FRK: variants seen among roughly 807,000 people sequenced by gnomAD.
FRK encodes the protein tyrosine-protein kinase FRK.
A neutral mutation model predicts 56.4 loss-of-function variants in FRK; 51 were observed. The observed-to-expected ratio is 0.90, with a 90% CI of 0.72 to 1.14. The LOEUF is 1.14. FRK is among the 50% of genes most tolerant of loss of function. FRK has a pLI of 0.00. For missense variants in FRK, 570 were observed against 601.4 expected (o/e 0.95, Z 0.55); for synonymous variants, 245 against 217.9 (o/e 1.12, Z -1.10).
At chr6:116,082,398 G>A in the FRK span, among the ~76,000 whole-genome samples, 1 of 152,164 alleles carries the variant, frequency 6.6e-6, no homozygotes, top group African/African-American at 2.4e-5. Context: ...GGAGAGGGAT[G>A]AGGGTAGAAG....
In FRK at chr6:116,060,379, T is replaced by A; in HGVS notation, c.-68A>T. On this transcript the variant is annotated 5_prime_UTR_variant, in exon 1 of 8. Coordinates refer to ENST00000606080, the MANE Select transcript of FRK (RefSeq NM_002031.3). ...CCCTTAGTCTCTGCGATCCACCTTA[T>A]CTTCCTTCACCAGGCAACTTTGAAG... 1.5e-6 allele frequency: 2 copies of A among 1,302,464 alleles called. No homozygotes were observed. Among genetic ancestry groups the A allele is most frequent in the Non-Finnish European group, 2.1e-6 (2 of 932,282 alleles). The allele number at this position is 1,302,464 out of a possible 1,614,324, so 80.7% of individuals were successfully genotyped here. A position where few individuals can be genotyped will look rare whatever the true frequency, so the allele number is the denominator to read the frequency against.
chr6:116,091,362 C>T, the FRK span, among the ~76,000 whole-genome samples: 1 of 152,186 alleles, frequency 6.6e-6, no homozygotes, highest in Non-Finnish European at 1.5e-5. Context: ...GCCACCCCAG[C>T]CAGCAGCGGC....
chr6:116,025,028 A>T (rs1776034955), intron 1 of FRK, among the ~76,000 whole-genome samples: 1 of 152,012 alleles, frequency 6.6e-6, no homozygotes, highest in Non-Finnish European at 1.5e-5. Flanking sequence ...GATGGTGAGC[A>T]TTTTTTCATG....
intron 5 of FRK, among the ~76,000 whole-genome samples, chr6:115,946,095 C>A (rs1385546260): frequency 6.6e-6 from 1 of 152,098 alleles, no homozygotes; most frequent in Non-Finnish European, 1.5e-5. Flanking sequence ...AAAAGAATCT[C>A]ACATCAACTC....
chr6:116,004,106 T>C (rs1775165991), intron 1 of FRK, 108 bp from the exon 2 acceptor site: 1 of 957,308 alleles, frequency 1.0e-6, no homozygotes, highest in Admixed American at 2.5e-5. Flanking sequence ...TTGGTATTCT[T>C]TAGTAAAACT....
At chr6:116,056,508 T>C (rs1777405582) in intron 1 of FRK, among the ~76,000 whole-genome samples, 1 of 152,212 alleles carries the variant, frequency 6.6e-6, no homozygotes, top group Non-Finnish European at 1.5e-5. Context: ...AGATAAATGA[T>C]GCTACGTCTA....
intron 1 of FRK, among the ~76,000 whole-genome samples, chr6:116,046,900 G>T (rs1193840954): frequency 6.6e-6 from 1 of 151,904 alleles, no homozygotes; most frequent in East Asian, 1.9e-4. Flanking sequence ...GTAGATTCAA[G>T]GTTTATAATT....
At chr6:115,967,454 C>A in intron 4 of FRK, 97 bp downstream of exon 4, 3 of 1,177,204 alleles carry the variant, frequency 2.5e-6, no homozygotes, top group Non-Finnish European at 3.7e-6. Context: ...CTGCTTGCTG[C>A]CAGTATTAGC....
At chr6:115,998,874 A>G (rs1774941986) in intron 2 of FRK, among the ~76,000 whole-genome samples, 1 of 152,182 alleles carries the variant, frequency 6.6e-6, no homozygotes, top group African/African-American at 2.4e-5. Flanking sequence ...CTTTTCAATT[A>G]TCTTCAATAT....
intron 4 of FRK, among the ~76,000 whole-genome samples, chr6:115,958,609 T>C (rs1284976628): frequency 3.0e-5 from 4 of 133,310 alleles, no homozygotes; most frequent in Admixed American, 7.7e-5. Context: ...GCCTGGGAAA[T>C]AGAGTGAGAC....
the FRK span, among the ~76,000 whole-genome samples, chr6:116,070,602 G>T: frequency 6.6e-6 from 1 of 151,922 alleles, no homozygotes; most frequent in East Asian, 1.9e-4. Context: ...AAATCCTAAT[G>T]CAAGAAGAAG....
chr6:116,020,201 A>C (rs540289038), intron 1 of FRK, among the ~76,000 whole-genome samples: 323 of 152,312 alleles, frequency 2.1e-3, no homozygotes, highest in African/African-American at 6.9e-3. Flanking sequence ...GACTACCATA[A>C]AAAAATTTAT....
intron 1 of FRK, among the ~76,000 whole-genome samples, chr6:116,024,199 T>TG (rs1409773178): frequency 1.3e-5 from 2 of 152,146 alleles, no homozygotes; most frequent in African/African-American, 4.8e-5. Context: ...GAATATCTGC[T>TG]TTCCTGATAA....
intron 6 of FRK, among the ~76,000 whole-genome samples, 185 bp downstream of exon 6, chr6:115,944,055 TTTTG>T (rs1372682930): frequency 1.3e-5 from 2 of 152,150 alleles, no homozygotes; most frequent in African/African-American, 4.8e-5. Context: ...GTTTTCTTTA[TTTTG>T]TTTCTCCTTG....
rs1771983569 is a variant in FRK at position 115,933,016 on chromosome 6, G to A, written c.*9398C>T. 6.6e-6 allele frequency: 1 copy of A among 152,048 alleles called. No homozygotes were observed. Among genetic ancestry groups the A allele is most frequent in the Non-Finnish European group, 1.5e-5 (1 of 68,018 alleles). 9.4% of individuals were successfully genotyped at this position (152,048 alleles called of 1,614,324 possible). A position where few individuals can be genotyped will look rare whatever the true frequency, so the allele number is the denominator to read the frequency against. ...CTCTGACTTTAACTTTGTTTTTGATGACAAAATATTCAGGTTCCACAACTA... is the reference window on the plus strand; with the variant it reads ...CTCTGACTTTAACTTTGTTTTTGATAACAAAATATTCAGGTTCCACAACTA... On this transcript the variant is annotated 3_prime_UTR_variant, in exon 8 of 8. Transcript: ENST00000606080.
At chr6:116,071,587 T>C in the FRK span, among the ~76,000 whole-genome samples, 1 of 152,166 alleles carries the variant, frequency 6.6e-6, no homozygotes, top group African/African-American at 2.4e-5. Context: ...TCAGCTAGTC[T>C]GTCAGTGCTT....
chr6:116,081,045 C>T, the FRK span, among the ~76,000 whole-genome samples: 1 of 152,156 alleles, frequency 6.6e-6, no homozygotes. Flanking sequence ...TACATGGTGG[C>T]AGACAAGACA....
chr6:116,071,044 A>G, the FRK span, among the ~76,000 whole-genome samples: 1 of 152,158 alleles, frequency 6.6e-6, no homozygotes, highest in South Asian at 2.1e-4. Flanking sequence ...TATGGCACAC[A>G]AGTAATTGGT....
rs1582744815 is a variant in FRK, at chr6:116,039,599, C to A, written c.344+20369G>T. 1.4e-5 allele frequency: 11 copies of A among 783,780 alleles called. No individual in the cohort carries two copies. In the East Asian group the frequency reaches 2.7e-4, roughly 19 times the overall value. The allele number at this position is 783,780 out of a possible 1,614,324, so 48.6% of individuals were successfully genotyped here. On this transcript the variant is annotated intron_variant, in intron 1 of 7. Coordinates refer to ENST00000606080, the MANE Select transcript of FRK (RefSeq NM_002031.3). ...CACATGTTTCTGATGGTGTCATCTG[C>A]CCCCTCTTGCGGCCTCATCCAAACT... is the stretch of plus-strand genomic sequence containing the variant.
Sources: allele counts gnomAD v4.1 joint callset (sites outside exome capture counted in the v4.1 genomes callset), GRCh38; gene constraint gnomAD v4.1.1; transcripts MANE v1.5; gene names NCBI Gene and HGNC (gene_info 2026-07-23, HGNC 2026-07-21).